The following GLUD1 variants were observed in gnomAD, a reference collection of about 807,000 sequenced individuals.
GLUD1 encodes the protein glutamate dehydrogenase 1, mitochondrial.
Under a neutral mutation model 56.0 loss-of-function variants are expected in GLUD1, and 22 were observed. The ratio of observed to expected loss-of-function variants is 0.39; its 90% CI spans 0.28 to 0.56. The LOEUF (loss-of-function observed/expected upper bound fraction) is 0.56. Among genes scored for constraint, GLUD1 ranks in the 20% least tolerant of loss-of-function variants. The pLI is 0.58. For missense variants in GLUD1, 451 were observed against 732.0 expected (o/e 0.62, Z 4.43); for synonymous variants, 223 against 269.9 (o/e 0.83, Z 1.70).
intron 1 of GLUD1, among the ~76,000 whole-genome samples, chr10:87,077,341 T>C (rs1027048254): frequency 4.6e-5 from 7 of 152,102 alleles, no homozygotes; most frequent in African/African-American, 9.7e-5. Flanking sequence ...TTCACAAACA[T>C]GGGCAATGAA....
intron 1 of GLUD1, among the ~76,000 whole-genome samples, chr10:87,077,095 C>A (rs981662050): frequency 5.3e-5 from 8 of 152,108 alleles, no homozygotes; most frequent in Admixed American, 2.6e-4. Context: ...ACTGTAGCCT[C>A]AACCTCCTAG....
At chr10:87,056,992 G>C (rs1034420465) in intron 11 of GLUD1, among the ~76,000 whole-genome samples, 4 of 151,740 alleles carry the variant, frequency 2.6e-5, no homozygotes, top group Non-Finnish European at 1.5e-5. Context: ...GGCGGGGGGA[G>C]GGGGGTGGCG....
At position 87,081,953 on chromosome 10, in the gene GLUD1, A is replaced by G. The variant is rs1184872413; in HGVS notation, c.446-5297T>C. Among the ~76,000 whole-genome samples the G allele has an allele frequency of 4.6e-5, 7 of 151,438 alleles. No homozygotes were observed. The East Asian group carries it at 1.4e-3, about 29-fold the overall frequency. ...ACCCAAGAATGATCAATACAAAAAA[A>G]AAAAAAAAAAGAAAAAAAAAAGAAC... is the stretch of plus-strand genomic sequence containing the variant. On this transcript the variant is annotated intron_variant, in intron 1 of 12. Coordinates refer to ENST00000277865, the MANE Select transcript of GLUD1 (RefSeq NM_005271.5).
intron 12 of GLUD1, among the ~76,000 whole-genome samples, chr10:87,052,628 C>A (rs1845665043): frequency 7.2e-6 from 1 of 139,228 alleles, no homozygotes; most frequent in Non-Finnish European, 1.5e-5. Flanking sequence ...TGAAAGTGCG[C>A]CACTGCACTC....
intron 9 of GLUD1, 118 bp downstream of exon 9, chr10:87,060,042 GA>G: frequency 1.3e-6 from 1 of 741,762 alleles, no homozygotes; most frequent in Non-Finnish European, 2.4e-6. Flanking sequence ...TCTCAAAAGT[GA>G]AAAAGATGAA....
intron 1 of GLUD1, among the ~76,000 whole-genome samples, chr10:87,084,629 C>G (rs369487555): frequency 2.0e-5 from 3 of 152,108 alleles, no homozygotes; most frequent in African/African-American, 4.8e-5. Context: ...TATGAAAATT[C>G]AAGTGGTTTT....
At chr10:87,074,433 G>T in intron 4 of GLUD1, 118 bp downstream of exon 4, 1 of 711,328 alleles carries the variant, frequency 1.4e-6, no homozygotes, top group Admixed American at 2.1e-5. Context: ...CCCAGGAGGC[G>T]GACGAGATCG....
chr10:87,067,546 C>T (rs1272696754), intron 5 of GLUD1, among the ~76,000 whole-genome samples: 1 of 152,170 alleles, frequency 6.6e-6, no homozygotes, highest in South Asian at 2.1e-4. Context: ...CTTTCTATTA[C>T]CTTTATAAAT....
intron 1 of GLUD1, chr10:87,089,717 T>C (rs1841467936): frequency 1.0e-6 from 1 of 979,888 alleles, no homozygotes; most frequent in Non-Finnish European, 1.2e-6. Flanking sequence ...TTCCTGCCTT[T>C]AACAGTAGTA....
At chr10:87,067,174 C>A (rs1846099891) in intron 5 of GLUD1, among the ~76,000 whole-genome samples, 1 of 152,248 alleles carries the variant, frequency 6.6e-6, no homozygotes, top group African/African-American at 2.4e-5. Flanking sequence ...TCTCCACTGA[C>A]TACCATGTAA....
intron 4 of GLUD1, among the ~76,000 whole-genome samples, chr10:87,073,456 T>C (rs769750703): frequency 2.0e-4 from 30 of 152,136 alleles, no homozygotes; most frequent in Admixed American, 3.3e-4. Flanking sequence ...GCCCAGCCTT[T>C]ATAGTTTAAT....
rs1054881206 is a variant in GLUD1, at chr10:87,089,729, T to C, written c.445+4596A>G. On this transcript the variant is annotated intron_variant, in intron 1 of 12. Transcript: ENST00000277865. ...CCTTTCCTGCCTTTAACAGTAGTAT[T>C]TCACATATTAACAATTCCGACTTGA... 45 of 981,074 alleles carry C rather than the reference T, an allele frequency of 4.6e-5. No homozygotes were observed. In the African/African-American group the frequency reaches 7.5e-4, roughly 16 times the overall value. 60.8% of individuals were successfully genotyped at this position (981,074 alleles called of 1,614,324 possible).
chr10:87,078,137 G>A (rs533018125), intron 1 of GLUD1, among the ~76,000 whole-genome samples: 1 of 152,164 alleles, frequency 6.6e-6, no homozygotes, highest in African/African-American at 2.4e-5. Context: ...ATACTTATTT[G>A]GTCTACTGTA....
chr10:87,068,009 T>G, intron 5 of GLUD1, 54 bp downstream of exon 5: 1 of 1,027,368 alleles, frequency 9.7e-7, no homozygotes, highest in Non-Finnish European at 1.5e-6. Flanking sequence ...GTCAAACTGT[T>G]AATTCTTGTA....
chr10:87,057,228 C>G (rs1162114729), intron 11 of GLUD1, among the ~76,000 whole-genome samples: 3 of 152,052 alleles, frequency 2.0e-5, no homozygotes, highest in African/African-American at 7.2e-5. Context: ...ACTTCGTGAT[C>G]CACCCGCCTT....
chr10:87,085,187 CACA>C (rs1239347645), intron 1 of GLUD1, among the ~76,000 whole-genome samples: 2 of 151,726 alleles, frequency 1.3e-5, no homozygotes, highest in East Asian at 3.9e-4. Context: ...CTACTAAACA[CACA>C]ACAAAATTAG....
chr10:87,088,880 T>C (rs888644156), intron 1 of GLUD1, among the ~76,000 whole-genome samples: 6 of 152,240 alleles, frequency 3.9e-5, no homozygotes, highest in South Asian at 2.1e-4. Context: ...TACACACTGG[T>C]AGAGAAATGA....
chr10:87,071,423 G>A (rs1179660158), intron 4 of GLUD1, among the ~76,000 whole-genome samples: 5 of 151,958 alleles, frequency 3.3e-5, no homozygotes, highest in Non-Finnish European at 7.4e-5. Context: ...CTGACCTCAG[G>A]TGATCCACCC....
chr10:87,081,051 C>T (rs1317771972), intron 1 of GLUD1, among the ~76,000 whole-genome samples: 16 of 109,962 alleles, frequency 1.5e-4, no homozygotes, highest in East Asian at 5.4e-4. Flanking sequence ...CCAGCCGCCC[C>T]GTCCGGGAGG....
Sources: allele counts gnomAD v4.1 joint callset (sites outside exome capture counted in the v4.1 genomes callset), GRCh38; gene constraint gnomAD v4.1.1; transcripts MANE v1.5; gene names NCBI Gene and HGNC (gene_info 2026-07-23, HGNC 2026-07-21).